ATG16L2: variants seen among roughly 807,000 people sequenced by gnomAD.
ATG16L2 encodes autophagy related 16 like 2, also known as protein Atg16l2.
In ATG16L2, 77 loss-of-function variants were observed where a neutral mutation model predicts 84.7. That is an observed-to-expected ratio of 0.91 (90% confidence interval 0.76 to 1.10). The LOEUF (loss-of-function observed/expected upper bound fraction) is 1.10. Ranked by LOEUF, ATG16L2 falls within the 50% of genes least tolerant of loss-of-function variation. ATG16L2 has a pLI of 0.00. For synonymous variants in ATG16L2, 361 were observed against 342.8 expected, an observed-to-expected ratio of 1.05 and a Z score of -0.59; for missense variants, 782 against 817.6, an observed-to-expected ratio of 0.96 and a Z score of 0.53.
At chr11:72,816,866 G>A in intron 2 of ATG16L2, 39 bp downstream of exon 2, 1 of 1,556,012 alleles carries the variant, frequency 6.4e-7, no homozygotes. Flanking sequence ...AGGGCTGCCT[G>A]TGCTGGGGCC....
chr11:72,829,731 T>A, downstream of ATG16L2: 1 of 803,458 alleles, frequency 1.2e-6, no homozygotes, highest in Non-Finnish European at 1.5e-6. Flanking sequence ...CCTCCTTCCA[T>A]ACAGAGCTGA....
At position 72,821,704 on chromosome 11, in the gene ATG16L2, G is replaced by A; in HGVS notation, c.355G>A (p.Gly119Ser). 6.5e-7 allele frequency: 1 copy of A among 1,537,736 alleles called. No individual in the cohort carries two copies. Among genetic ancestry groups the A allele is most frequent in the South Asian group, 1.2e-5 (1 of 83,924 alleles). Residue 119 changes from glycine to serine, a missense_variant, in exon 4 of 18, where the codon GGC becomes AGC. Coordinates refer to ENST00000321297, the MANE Select transcript of ATG16L2 (RefSeq NM_033388.2). ...GGTGGTGGAGAAGGGCGCGGCCCTGGGCACGCTGGAGTCGGAGCTGCAGCA... is the reference window on the plus strand; with the variant it reads ...GGTGGTGGAGAAGGGCGCGGCCCTGAGCACGCTGGAGTCGGAGCTGCAGCA... ...YQVVEKGAAL[G>S]TLESELQQRQ...
chr11:72,822,318 T>G lies in ATG16L2; in HGVS notation c.644+23T>G. The G allele has an allele frequency of 6.6e-7, 1 of 1,522,902 alleles. No individual in the cohort carries two copies. The highest frequency in any genetic ancestry group is 8.8e-7 in the Non-Finnish European group (1 of 1,140,830). 94.3% of individuals were successfully genotyped at this position (1,522,902 alleles called of 1,614,324 possible). A position where few individuals can be genotyped will look rare whatever the true frequency, so the allele number is the denominator to read the frequency against. ...GCGGTGAGGGAGCAGGCCCCGCCCC[T>G]CCTGAGGAAAGGCCCCGCCCCTGCA... On this transcript the variant is annotated intron_variant, in intron 5 of 17. Transcript: ENST00000321297. The surrounding 1 kb of genome is among the most constrained non-coding windows in gnomAD (Gnocchi z 4.2).
Position 72,824,577 on chromosome 11 carries a change from C to T in ATG16L2, c.888-157C>T, listed in dbSNP as rs569226414. On this transcript the variant is annotated intron_variant, in intron 8 of 17. Transcript: ENST00000321297. ...CCGTCTCCACACCAACCCCTGGGGT[C>T]GAGGCTGGGTTGGGGAATGCTCTCG... 60 of 650,638 alleles carry T rather than the reference C, an allele frequency of 9.2e-5. No homozygotes were observed. In the African/African-American group the frequency reaches 9.4e-4, roughly 10 times the overall value. 40.3% of individuals were successfully genotyped at this position (650,638 alleles called of 1,614,324 possible). A position where few individuals can be genotyped will look rare whatever the true frequency, so the allele number is the denominator to read the frequency against.
rs1373553802 is a variant in ATG16L2, at chr11:72,821,235, A to G, written c.319-433A>G. On this transcript the variant is annotated intron_variant, in intron 3 of 17. Transcript: ENST00000321297. ...GTACCAGCCTCCTGGTGTGGTGAGG[A>G]TGGAAGGAGCGTGTAGCCTGCTGGG... 7.0e-6 allele frequency: 7 copies of G among 998,048 alleles called. No individual in the cohort carries two copies. The South Asian group carries it at 2.5e-4, about 36-fold the overall frequency. The allele number at this position is 998,048 out of a possible 1,614,324, so 61.8% of individuals were successfully genotyped here. A position where few individuals can be genotyped will look rare whatever the true frequency, so the allele number is the denominator to read the frequency against.
chr11:72,822,907 C>T lies in ATG16L2; in HGVS notation c.770C>T (p.Pro257Leu), dbSNP rs1222093984. Residue 257 changes from proline (P) to leucine (L), a missense_variant, in exon 7 of 18, where the codon CCT (proline) becomes CTT (leucine). By Grantham distance (98) the Pro-to-Leu change is moderately conservative. Transcript: ENST00000321297. This position sits in a 1 kb window ranked among gnomAD's most constrained non-coding sequence, Gnocchi z 4.2. ...RERRETLALA[P>L]EPEPLEKEAC... is the part of the protein sequence containing the mutation. Reference sequence around the variant, plus strand: ...AGAAGGGAGACTCTGGCTCTGGCCCCTGAGCCAGAGCCCCTGGAGAAGGAA... The same window carrying T: ...AGAAGGGAGACTCTGGCTCTGGCCCTTGAGCCAGAGCCCCTGGAGAAGGAA... 1 of 1,580,100 alleles carries T rather than the reference C, an allele frequency of 6.3e-7. No homozygotes were observed. Among genetic ancestry groups the T allele is most frequent in the African/African-American group, 1.3e-5 (1 of 74,462 alleles).
At chr11:72,826,399 T>C (rs1860358376) in intron 11 of ATG16L2, 119 bp from the exon 12 acceptor site, 10 of 1,466,930 alleles carry the variant, frequency 6.8e-6, no homozygotes, top group Non-Finnish European at 9.3e-6. Context: ...GGAGGCTCCT[T>C]TGCCTGCCTT....
Position 72,822,351 on chromosome 11 carries a change from G to C in ATG16L2, c.644+56G>C, listed in dbSNP as rs771371980. 24 of 1,548,402 alleles carry C rather than the reference G, an allele frequency of 1.5e-5. No homozygotes were observed. In the African/African-American group the frequency reaches 3.0e-4, roughly 19 times the overall value. ...AAAGGCCCCGCCCCTGCAGGGAGGA[G>C]TCGGGCCTCGCCGGTGTCTGGAAGG... On this transcript the variant is annotated intron_variant, in intron 5 of 17. Coordinates refer to ENST00000321297, the MANE Select transcript of ATG16L2 (RefSeq NM_033388.2). The surrounding 1 kb of genome is among the most constrained non-coding windows in gnomAD (Gnocchi z 4.2).
intron 10 of ATG16L2, 102 bp from the exon 11 acceptor site, chr11:72,826,071 C>CG (rs1346411770): frequency 2.1e-6 from 2 of 947,088 alleles, no homozygotes; most frequent in South Asian, 1.6e-5. Flanking sequence ...GGGGATGTGT[C>CG]GGGGGGTGGG....
intron 9 of ATG16L2, 24 bp from the exon 10 acceptor site, chr11:72,825,278 C>A (rs1284361357): frequency 1.3e-6 from 2 of 1,599,950 alleles, no homozygotes; most frequent in East Asian, 4.5e-5. Context: ...AGGGCCGGGG[C>A]ACCAACCTCC....
In ATG16L2 at chr11:72,814,424, C is replaced by A. The variant is rs1411828092; in HGVS notation, c.-22C>A. 7.0e-7 allele frequency: 1 copy of A among 1,420,778 alleles called. No homozygotes were observed. Among genetic ancestry groups the A allele is most frequent in the Non-Finnish European group, 9.3e-7 (1 of 1,075,884 alleles). 88.0% of individuals were successfully genotyped at this position (1,420,778 alleles called of 1,614,324 possible). On this transcript the variant is annotated 5_prime_UTR_variant, in exon 1 of 18. Coordinates refer to ENST00000321297, the MANE Select transcript of ATG16L2 (RefSeq NM_033388.2). ...GCCGTCCTGGGCGGGAGGAACGCGC[C>A]GCTAGGCGGGAGAGCGCGGCCATGG...
rs760134544 is a variant in ATG16L2 at position 72,814,514 on chromosome 11, G to C, written c.69G>C (p.Arg23=). ...AACGCCACATCGTGCGGCAGCTGCGGCTTCGGGACCGTACGCAAAAGGCGC... is the reference window on the plus strand; with the variant it reads ...AACGCCACATCGTGCGGCAGCTGCGCCTTCGGGACCGTACGCAAAAGGCGC... The part of the protein sequence containing the change: ...RWKRHIVRQL[R]LRDRTQKALF... Residue 23 remains arginine, a synonymous_variant, in exon 1 of 18, where the codon CGG becomes CGC. Transcript: ENST00000321297. The C allele has an allele frequency of 3.2e-6, 5 of 1,558,966 alleles. No homozygotes were observed. In the African/African-American group the frequency reaches 4.1e-5, roughly 13 times the overall value.
Position 72,822,883 on chromosome 11 carries a change from G to A in ATG16L2, c.746G>A (p.Arg249Lys), listed in dbSNP as rs150821280. 1 of 1,575,664 alleles carries A rather than the reference G, an allele frequency of 6.3e-7. No individual in the cohort carries two copies. The highest frequency in any genetic ancestry group is 1.3e-5 in the African/African-American group (1 of 74,266). Residue 249 changes from arginine to lysine, a missense_variant, in exon 7 of 18, where the codon AGA becomes AAA. Transcript: ENST00000321297. This position sits in a 1 kb window ranked among gnomAD's most constrained non-coding sequence, Gnocchi z 4.2. ...PDTLGDGMRERRETLALAPEP... is the reference protein window; with the variant it reads ...PDTLGDGMREKRETLALAPEP... ...ACCCTAGGCGATGGGATGAGGGAGA[G>A]AAGGGAGACTCTGGCTCTGGCCCCT...
At chr11:72,814,645 C>A (rs892998266) in intron 1 of ATG16L2, 82 bp downstream of exon 1, 2 of 1,174,982 alleles carry the variant, frequency 1.7e-6, no homozygotes, top group Non-Finnish European at 2.4e-6. Context: ...CTGGCTCCTC[C>A]GCCTGTGACC....
At chr11:72,839,686 T>C (rs1342284404) in intron 5 of ATG16L2, among the ~76,000 whole-genome samples, 1 of 152,096 alleles carries the variant, frequency 6.6e-6, no homozygotes, top group Non-Finnish European at 1.5e-5. Context: ...AGAAGGAACA[T>C]GTCTGGAAGG....
At chr11:72,819,285 A>G (rs574795515) in intron 3 of ATG16L2, among the ~76,000 whole-genome samples, 53 of 152,048 alleles carry the variant, frequency 3.5e-4, no homozygotes, top group Admixed American at 8.5e-4. Context: ...AAATCCATCA[A>G]TGTCTCTCTG....
chr11:72,832,227 A>T (rs886430033), downstream of ATG16L2, among the ~76,000 whole-genome samples: 2 of 152,172 alleles, frequency 1.3e-5, no homozygotes, highest in Non-Finnish European at 2.9e-5. Flanking sequence ...GGTCTGACTG[A>T]TCTCTGGGAC....
In ATG16L2 at chr11:72,828,923, G is replaced by A; in HGVS notation, c.1711G>A (p.Ala571Thr). 3.7e-6 allele frequency: 6 copies of A among 1,614,186 alleles called. No homozygotes were observed. The highest frequency in any genetic ancestry group is 5.1e-6 in the Non-Finnish European group (6 of 1,180,036). The change falls in exon 17 of 18, where the codon GCC becomes ACC. Residue 571 changes from alanine (A) to threonine (T), a missense_variant. Transcript: ENST00000321297. Reference sequence around the variant, plus strand: ...TGCACTGGCAGGCTCCTGTGATGGGGCCCTTTACATCTGGGATGTGGACAC... The same window carrying A: ...TGCACTGGCAGGCTCCTGTGATGGGACCCTTTACATCTGGGATGTGGACAC... ...SYALAGSCDG[A>T]LYIWDVDTGK... is the part of the protein sequence containing the mutation.
chr11:72,843,144 TCTTTACCA>T, exon 6 of ATG16L2: 2 of 1,613,698 alleles, frequency 1.2e-6, no homozygotes, highest in Non-Finnish European at 1.7e-6. Context: ...CTTGTTTCAG[TCTTTACCA>T]CTGGCATCTC....
Sources: gnomAD v4.1 joint callset for allele counts (sites outside exome capture counted in the v4.1 genomes callset) on GRCh38, gnomAD v4.1.1 for gene constraint, Gnocchi (gnomAD v3.1) non-coding constraint, MANE v1.5 for transcripts, NCBI Gene and HGNC (gene_info 2026-07-23, HGNC 2026-07-21) for gene names.